The following PEPD variants were observed in gnomAD, a reference collection of about 807,000 sequenced individuals.
PEPD encodes the protein peptidase D, also known as xaa-Pro dipeptidase.
A neutral mutation model predicts 60.7 loss-of-function variants in PEPD; 53 were observed. The ratio of observed to expected loss-of-function variants is 0.87; its 90% CI spans 0.70 to 1.10. The LOEUF (loss-of-function observed/expected upper bound fraction) is 1.10. Ranked by LOEUF, PEPD falls within the 50% of genes least tolerant of loss-of-function variation. The pLI is 0.00. For synonymous variants in PEPD, 267 were observed against 284.1 expected, an observed-to-expected ratio of 0.94 and a Z score of 0.60; for missense variants, 711 against 711.9, an observed-to-expected ratio of 1.00 and a Z score of 0.01.
At chr19:33,432,695 C>A (rs541920216) in intron 9 of PEPD, among the ~76,000 whole-genome samples, 2 of 152,376 alleles carry the variant, frequency 1.3e-5, no homozygotes, top group South Asian at 4.1e-4. Context: ...ACCTAGAATG[C>A]ATAAAACATT....
chr19:33,460,696 T>TGGCAGGTGCACAGCATGGGC (rs1255121463), intron 9 of PEPD, among the ~76,000 whole-genome samples: 13 of 152,146 alleles, frequency 8.5e-5, no homozygotes, highest in Admixed American at 1.3e-4. Context: ...TGGGTGCACA[T>TGGCAGGTGCACAGCATGGGC]GGCAGGTGCA....
intron 9 of PEPD, among the ~76,000 whole-genome samples, chr19:33,417,065 T>C (rs538247239): frequency 1.3e-5 from 2 of 152,200 alleles, no homozygotes; most frequent in South Asian, 2.1e-4. Context: ...TCACCTAACA[T>C]GAAGACGAGT....
intron 13 of PEPD, among the ~76,000 whole-genome samples, chr19:33,390,273 C>G (rs957602927): frequency 6.6e-6 from 1 of 152,244 alleles, no homozygotes. Flanking sequence ...TAATGAATAA[C>G]GAACCTCAGC....
At chr19:33,459,829 C>T (rs539597825) in intron 9 of PEPD, among the ~76,000 whole-genome samples, 1 of 152,234 alleles carries the variant, frequency 6.6e-6, no homozygotes, top group East Asian at 1.9e-4. Context: ...TGACTCCTGC[C>T]CCGAGTCCTG....
rs951713377 is a variant in PEPD at position 33,518,493 on chromosome 19, C to T, written c.17+3251G>A. Among the ~76,000 whole-genome samples, 10 of 152,140 alleles carry T rather than the reference C, an allele frequency of 6.6e-5. 1 individual carries two copies. The highest frequency in any genetic ancestry group is 1.3e-4 in the Admixed American group (2 of 15,280). On this transcript the variant is annotated intron_variant, in intron 1 of 14. Coordinates refer to ENST00000244137, the MANE Select transcript of PEPD (RefSeq NM_000285.4). ...GCTCAACAGGGGTACACGTCCAGGG[C>T]AGTTCACCTTTGCCTCTTTTTGGCT...
intron 9 of PEPD, among the ~76,000 whole-genome samples, chr19:33,447,358 G>C (rs1175999193): frequency 6.6e-6 from 1 of 152,222 alleles, no homozygotes; most frequent in Admixed American, 6.5e-5. Flanking sequence ...TCTAACAAGA[G>C]GGTGGAATTC....
chr19:33,426,081 A>G (rs1969141744), intron 9 of PEPD, among the ~76,000 whole-genome samples: 1 of 152,172 alleles, frequency 6.6e-6, no homozygotes, highest in Non-Finnish European at 1.5e-5. Flanking sequence ...CGGCCTCCCA[A>G]AATGCTGGGA....
At chr19:33,443,717 AGAG>A (rs1969531134) in intron 9 of PEPD, among the ~76,000 whole-genome samples, 1 of 152,080 alleles carries the variant, frequency 6.6e-6, no homozygotes, top group African/African-American at 2.4e-5. Context: ...ATGGGCTGAA[AGAG>A]GAGTGATCTG....
At chr19:33,448,542 C>T (rs1349167937) in intron 9 of PEPD, among the ~76,000 whole-genome samples, 2 of 152,118 alleles carry the variant, frequency 1.3e-5, no homozygotes, top group Admixed American at 1.3e-4. Flanking sequence ...TTTTTTTCCC[C>T]AGAGCTCTCC....
In PEPD at chr19:33,388,066, C is replaced by T. The variant is rs377199331; in HGVS notation, c.1168G>A (p.Asp390Asn). Residue 390 changes from aspartate (D) to asparagine (N), a missense_variant, in exon 14 of 15, where the codon GAC (aspartate) becomes AAC (asparagine). Physicochemically the swap from Asp to Asn is conservative, Grantham distance 23. Coordinates refer to ENST00000244137, the MANE Select transcript of PEPD (RefSeq NM_000285.4). ...CGCAGGCTCCGCAGGCCGGGCTCGT[C>T]GATGCGCTCCACGCCCTGTGGGGAA... ...GGYPEGVERIDEPGLRSLRTA... is the reference protein window; with the variant it reads ...GGYPEGVERINEPGLRSLRTA... 53 of 1,549,994 alleles carry T rather than the reference C, an allele frequency of 3.4e-5. No homozygotes were observed. The highest frequency in any genetic ancestry group is 4.4e-5 in the Non-Finnish European group (51 of 1,148,244).
intron 9 of PEPD, among the ~76,000 whole-genome samples, chr19:33,461,092 A>G (rs1443315423): frequency 6.6e-6 from 1 of 152,212 alleles, no homozygotes; most frequent in African/African-American, 2.4e-5. Context: ...TTCGTTTGTG[A>G]TAATGAATGT....
chr19:33,521,715 G>A (rs1243281984), intron 1 of PEPD, 29 bp downstream of exon 1: 1 of 1,577,124 alleles, frequency 6.3e-7, no homozygotes, highest in Middle Eastern at 2.3e-4. Context: ...CACGCCAGCG[G>A]GAAAGAGCGA....
At chr19:33,510,926 C>T in intron 3 of PEPD, 102 bp downstream of exon 3, 2 of 1,247,814 alleles carry the variant, frequency 1.6e-6, no homozygotes, top group East Asian at 2.5e-5. Context: ...CTCTTCCCTC[C>T]TCCCCGTCCC....
intron 6 of PEPD, 122 bp downstream of exon 6, chr19:33,489,874 C>T: frequency 4.5e-6 from 3 of 669,878 alleles, no homozygotes; most frequent in Non-Finnish European, 8.0e-6. Flanking sequence ...CCTCAAAATG[C>T]CCAAACTCCT....
At chr19:33,388,857 A>G (rs1365197556) in intron 13 of PEPD, 1 of 147,800 alleles carries the variant, frequency 6.8e-6, no homozygotes, top group East Asian at 2.9e-4. Context: ...GGCACAGCTG[A>G]GGGGGCCTCA....
chr19:33,450,152 T>C (rs961159242), intron 9 of PEPD, among the ~76,000 whole-genome samples: 2 of 152,254 alleles, frequency 1.3e-5, no homozygotes, highest in Non-Finnish European at 2.9e-5. Context: ...ACACACCCGA[T>C]GTGAACTTTA....
intron 3 of PEPD, among the ~76,000 whole-genome samples, chr19:33,502,272 T>C (rs1970726884): frequency 6.6e-6 from 1 of 152,206 alleles, no homozygotes; most frequent in Non-Finnish European, 1.5e-5. Flanking sequence ...GCCCTCCAGC[T>C]GTCTGTGACC....
chr19:33,458,331 G>C (rs1969850865), intron 9 of PEPD, among the ~76,000 whole-genome samples: 1 of 151,638 alleles, frequency 6.6e-6, no homozygotes, highest in Admixed American at 6.6e-5. Flanking sequence ...TGTGTGGTGT[G>C]TGTGGTGTGT....
chr19:33,446,627 C>T (rs901564837), intron 9 of PEPD, among the ~76,000 whole-genome samples: 1 of 152,230 alleles, frequency 6.6e-6, no homozygotes, highest in Non-Finnish European at 1.5e-5. Context: ...CCTGTTTGCA[C>T]AGTGCATCCA....
Sources: gnomAD v4.1 joint callset for allele counts (sites outside exome capture counted in the v4.1 genomes callset) on GRCh38, gnomAD v4.1.1 for gene constraint, MANE v1.5 for transcripts, NCBI Gene and HGNC (gene_info 2026-07-23, HGNC 2026-07-21) for gene names.